The following ENTREP2 variants were observed in gnomAD, a reference collection of about 807,000 sequenced individuals.
ENTREP2 encodes the protein protein ENTREP2.
chr15:29,391,551 T>C, the ENTREP2 span, among the ~76,000 whole-genome samples: 2 of 152,124 alleles, frequency 1.3e-5, no homozygotes, highest in African/African-American at 2.4e-5. Flanking sequence ...AAAGGTGAAA[T>C]ACACCATGGT....
At chr15:29,663,352 T>G in the ENTREP2 span, among the ~76,000 whole-genome samples, 1 of 152,122 alleles carries the variant, frequency 6.6e-6, no homozygotes, top group East Asian at 2.0e-4. Flanking sequence ...AAACCCCATC[T>G]CTACTAAAAA....
the ENTREP2 span, among the ~76,000 whole-genome samples, chr15:29,617,374 G>A: frequency 1.3e-5 from 2 of 152,172 alleles, no homozygotes; most frequent in African/African-American, 4.8e-5. Context: ...TGGCTTCTCA[G>A]TGGATGGGAT....
At chr15:29,177,832 G>C in the ENTREP2 span, among the ~76,000 whole-genome samples, 1 of 149,750 alleles carries the variant, frequency 6.7e-6, no homozygotes, top group Non-Finnish European at 1.5e-5. Flanking sequence ...GAGGTGGAGG[G>C]TAGGGATGGG....
At chr15:29,602,368 G>A in the ENTREP2 span, among the ~76,000 whole-genome samples, 5 of 151,804 alleles carry the variant, frequency 3.3e-5, no homozygotes, top group African/African-American at 1.2e-4. Flanking sequence ...TCTTGGTCTG[G>A]GTCTGGAACT....
chr15:29,259,768 G>C, the ENTREP2 span, among the ~76,000 whole-genome samples: 7 of 151,350 alleles, frequency 4.6e-5, no homozygotes, highest in Admixed American at 4.6e-4. Context: ...CTTGAGCCCA[G>C]GAGTTAGATA....
the ENTREP2 span, among the ~76,000 whole-genome samples, chr15:29,444,193 A>AGAAG: frequency 7.4e-6 from 1 of 134,312 alleles, no homozygotes; most frequent in African/African-American, 3.0e-5. Context: ...AAAGAAAGAA[A>AGAAG]GAAAGAAAGA....
chr15:29,413,196 A>G, the ENTREP2 span, among the ~76,000 whole-genome samples: 1 of 152,176 alleles, frequency 6.6e-6, no homozygotes. Context: ...CTGCAAGATC[A>G]ATTTCTTAAA....
At chr15:29,281,653 C>G in the ENTREP2 span, among the ~76,000 whole-genome samples, 22,975 of 152,196 alleles carry the variant, frequency 0.15, 2,166 homozygotes, top group Middle Eastern at 0.24. Context: ...CCAGCTAACC[C>G]TGCGGCAACC....
At chr15:29,537,290 C>A in the ENTREP2 span, among the ~76,000 whole-genome samples, 1 of 152,110 alleles carries the variant, frequency 6.6e-6, no homozygotes, top group Non-Finnish European at 1.5e-5. Flanking sequence ...CCAGCACCAA[C>A]ATCCTTCCTT....
chr15:29,370,828 C>T, the ENTREP2 span, among the ~76,000 whole-genome samples: 11 of 152,142 alleles, frequency 7.2e-5, no homozygotes, highest in East Asian at 3.9e-4. Flanking sequence ...GCCTCTTACT[C>T]GCTCCAAAAA....
At chr15:29,169,331 G>T in the ENTREP2 span, among the ~76,000 whole-genome samples, 5 of 151,594 alleles carry the variant, frequency 3.3e-5, no homozygotes, top group Admixed American at 2.6e-4. Context: ...GAAAAAAAAG[G>T]CTTTGCACAC....
At chr15:29,240,595 G>A in the ENTREP2 span, among the ~76,000 whole-genome samples, 1 of 152,194 alleles carries the variant, frequency 6.6e-6, no homozygotes, top group East Asian at 1.9e-4. Context: ...AAAGGCCCAG[G>A]CTAGATGCTG....
chr15:29,250,703 T>C, the ENTREP2 span, among the ~76,000 whole-genome samples: 1 of 152,130 alleles, frequency 6.6e-6, no homozygotes, highest in Non-Finnish European at 1.5e-5. Context: ...GCCAGTTCCT[T>C]GTAGGTCACC....
the ENTREP2 span, among the ~76,000 whole-genome samples, chr15:29,126,728 A>T: frequency 6.6e-6 from 1 of 152,226 alleles, no homozygotes; most frequent in Non-Finnish European, 1.5e-5. Flanking sequence ...CACACTACAC[A>T]AGAGACTAAA....
the ENTREP2 span, among the ~76,000 whole-genome samples, chr15:29,419,856 A>G: frequency 6.6e-6 from 1 of 152,198 alleles, no homozygotes; most frequent in Non-Finnish European, 1.5e-5. Flanking sequence ...GGAAGCTAAA[A>G]TAAAAATGTT....
At chr15:29,571,101 C>T in the ENTREP2 span, among the ~76,000 whole-genome samples, 1 of 150,222 alleles carries the variant, frequency 6.7e-6, no homozygotes, top group Non-Finnish European at 1.5e-5. Flanking sequence ...GCGCTGGGCC[C>T]CAGCTGGGGC....
chr15:29,390,425 A>G, the ENTREP2 span, among the ~76,000 whole-genome samples: 1 of 151,712 alleles, frequency 6.6e-6, no homozygotes, highest in African/African-American at 2.4e-5. Context: ...ATAGCTGTGG[A>G]AAAAAAGCCA....
At chr15:29,611,339 T>G in the ENTREP2 span, 3 of 151,818 alleles carry the variant, frequency 2.0e-5, no homozygotes, top group Non-Finnish European at 4.4e-5. Flanking sequence ...GTGGGGAAAC[T>G]CTTTTAGTCG....
chr15:29,600,312 GCT>G, the ENTREP2 span, among the ~76,000 whole-genome samples: 1 of 152,250 alleles, frequency 6.6e-6, no homozygotes, highest in South Asian at 2.1e-4. Context: ...TATATGGGCT[GCT>G]ATGAGCATCT....
Sources: allele counts gnomAD v4.1 joint callset (sites outside exome capture counted in the v4.1 genomes callset), GRCh38; gene constraint gnomAD v4.1.1; transcripts MANE v1.5; gene names NCBI Gene and HGNC (gene_info 2026-07-23, HGNC 2026-07-21).